CEP95: variants seen among roughly 807,000 people sequenced by gnomAD.
CEP95 encodes centrosomal protein 95.
CEP95 carries 98 observed loss-of-function variants against 111.2 expected under a neutral mutation model. The ratio of observed to expected loss-of-function variants is 0.88; its 90% CI spans 0.75 to 1.04. The LOEUF (loss-of-function observed/expected upper bound fraction) is 1.04, where lower values mean the gene tolerates loss of function less well. Among genes scored for constraint, CEP95 ranks in the 50% least tolerant of loss-of-function variants. The pLI is 0.00. For synonymous variants in CEP95, 323 were observed against 327.1 expected (o/e 0.99, Z 0.14); for missense variants, 1,027 against 977.2 (o/e 1.05, Z -0.68).
intron 2 of CEP95, among the ~76,000 whole-genome samples, 183 bp downstream of exon 2, chr17:64,508,903 G>A (rs1414031602): frequency 1.3e-5 from 2 of 150,248 alleles, no homozygotes; most frequent in Admixed American, 6.6e-5. Context: ...ATATTAAATT[G>A]TATTTAATAT....
At chr17:64,507,744 C>G (rs1598166022) in intron 1 of CEP95, 1 of 985,672 alleles carries the variant, frequency 1.0e-6, no homozygotes, top group African/African-American at 1.7e-5. Context: ...GGATTATGTG[C>G]ATGGAAAATA....
chr17:64,510,748 C>T (rs1257324885), intron 3 of CEP95, among the ~76,000 whole-genome samples: 9 of 152,048 alleles, frequency 5.9e-5, no homozygotes, highest in Non-Finnish European at 1.3e-4. Flanking sequence ...ACAAGAGTTT[C>T]GCCATTTGCC....
intron 17 of CEP95, chr17:64,535,920 G>A (rs1205036699): frequency 1.3e-5 from 2 of 152,232 alleles, no homozygotes; most frequent in Non-Finnish European, 2.9e-5. Context: ...CAGTATAGAT[G>A]AACCTTGAAA....
At chr17:64,532,087 A>T in intron 14 of CEP95, 65 bp downstream of exon 14, 1 of 1,467,638 alleles carries the variant, frequency 6.8e-7, no homozygotes, top group Non-Finnish European at 9.0e-7. Flanking sequence ...GCAACATTCC[A>T]AGGACACAGC....
At chr17:64,506,781 A>AC, upstream of CEP95, 1 of 528,656 alleles carries the variant, frequency 1.9e-6, no homozygotes. Context: ...GCACCCCGGG[A>AC]CCCGCCCGGG....
At chr17:64,536,891 T>G in intron 18 of CEP95, 143 bp downstream of exon 18, 3 of 1,204,578 alleles carry the variant, frequency 2.5e-6, no homozygotes, top group Non-Finnish European at 3.5e-6. Context: ...ATTTCAAGAT[T>G]GAAATTTAAG....
chr17:64,533,834 G>A (rs1968454519), intron 16 of CEP95, among the ~76,000 whole-genome samples: 1 of 152,076 alleles, frequency 6.6e-6, no homozygotes. Context: ...GACCCATCTA[G>A]GTGCCAAGCA....
chr17:64,524,076 G>C (rs2144461808), intron 8 of CEP95, among the ~76,000 whole-genome samples: 1 of 152,100 alleles, frequency 6.6e-6, no homozygotes. Flanking sequence ...AACAGGAGAG[G>C]GATTAGATAA....
intron 3 of CEP95, among the ~76,000 whole-genome samples, chr17:64,511,093 G>A (rs2038867689): frequency 6.6e-6 from 1 of 152,146 alleles, no homozygotes; most frequent in Non-Finnish European, 1.5e-5. Context: ...CAGACATCAA[G>A]TACTTCACAA....
At position 64,508,793 on chromosome 17, in the gene CEP95, C is replaced by A. The variant is rs1216028083; in HGVS notation, c.148+73C>A. 8.0e-6 allele frequency: 5 copies of A among 626,690 alleles called. No homozygotes were observed. In the African/African-American group the frequency reaches 9.6e-5, roughly 12 times the overall value. 38.8% of individuals were successfully genotyped at this position (626,690 alleles called of 1,614,324 possible). On this transcript the variant is annotated intron_variant, in intron 2 of 19. Coordinates refer to ENST00000556440, the MANE Select transcript of CEP95 (RefSeq NM_138363.3). ...AAGTTTTTAGTCCTTTAGTTAGATT[C>A]TTTGATATTTATAAAATTTCATTTT... is the stretch of plus-strand genomic sequence containing the variant.
Position 64,534,676 on chromosome 17 carries a change from A to G in CEP95, c.2009A>G (p.Tyr670Cys), listed in dbSNP as rs782744733. ...RQQIVRARKYYDDYRVQLCAK... is the reference protein window; with the variant it reads ...RQQIVRARKYCDDYRVQLCAK... ...CAAATCGTTCGTGCTCGAAAATATT[A>G]TGATGATTATAGAGTTCAGTTGTGT... Residue 670 changes from tyrosine to cysteine, a missense_variant, in exon 17 of 20, where the codon TAT becomes TGT. Coordinates refer to ENST00000556440, the MANE Select transcript of CEP95 (RefSeq NM_138363.3). The G allele has an allele frequency of 6.2e-7, 1 of 1,613,516 alleles. No individual in the cohort carries two copies. The highest frequency in any genetic ancestry group is 8.5e-7 in the Non-Finnish European group (1 of 1,179,630).
In CEP95 at chr17:64,533,296, A is replaced by T. The variant is rs1318631466; in HGVS notation, c.1917+105A>T. ...TTGCACAGACCCTTAACCTCTTAACACCTGCATGTGGAAGTGTTGCCTAGG... is the reference window on the plus strand; with the variant it reads ...TTGCACAGACCCTTAACCTCTTAACTCCTGCATGTGGAAGTGTTGCCTAGG... On this transcript the variant is annotated intron_variant, in intron 16 of 19. Coordinates refer to ENST00000556440, the MANE Select transcript of CEP95 (RefSeq NM_138363.3). 20 of 906,890 alleles carry T rather than the reference A, an allele frequency of 2.2e-5. No individual in the cohort carries two copies. The East Asian group carries it at 5.0e-4, about 23-fold the overall frequency. 56.2% of individuals were successfully genotyped at this position (906,890 alleles called of 1,614,324 possible).
At position 64,527,278 on chromosome 17, in the gene CEP95, A is replaced by G; in HGVS notation, c.1306+14A>G. Reference sequence around the variant, plus strand: ...AGTCAAGGCCAGGTACTTACCCCAGAGAGACTGAGAAGGGGGACATCCATG... The same window carrying G: ...AGTCAAGGCCAGGTACTTACCCCAGGGAGACTGAGAAGGGGGACATCCATG... On this transcript the variant is annotated intron_variant, in intron 11 of 19. Transcript: ENST00000556440. The G allele has an allele frequency of 6.3e-7, 1 of 1,589,762 alleles. No homozygotes were observed. Among genetic ancestry groups the G allele is most frequent in the Non-Finnish European group, 8.6e-7 (1 of 1,168,606 alleles).
intron 3 of CEP95, among the ~76,000 whole-genome samples, chr17:64,511,854 GA>G (rs1555675146): frequency 6.6e-6 from 1 of 152,206 alleles, no homozygotes; most frequent in Non-Finnish European, 1.5e-5. Context: ...AAATGTCCAT[GA>G]AATCTTCACA....
intron 15 of CEP95, 38 bp downstream of exon 15, chr17:64,533,046 G>A: frequency 6.2e-7 from 1 of 1,605,246 alleles, no homozygotes; most frequent in Non-Finnish European, 8.5e-7. Context: ...GAATTTAAAT[G>A]AGAAGAGCTT....
rs1555677833 is a variant in CEP95 at position 64,521,511 on chromosome 17, A to G, written c.699A>G (p.Thr233=). The G allele has an allele frequency of 1.9e-6, 3 of 1,611,608 alleles. No homozygotes were observed. The highest frequency in any genetic ancestry group is 1.7e-5 in the Admixed American group (1 of 59,586). The part of the protein sequence containing the change: ...YPPSVLSKSR[T]SFVEDTETLS... ...CTAGTGTTTTGTCCAAGAGTAGGAC[A>G]TCCTTTGTTGAAGACAGTGAGTTGT... Residue 233 remains threonine (T), a synonymous_variant, in exon 7 of 20, where the codon ACA becomes ACG. Coordinates refer to ENST00000556440, the MANE Select transcript of CEP95 (RefSeq NM_138363.3).
chr17:64,533,118 TAGA>T lies in CEP95; in HGVS notation c.1850_1852del (p.Glu617del), dbSNP rs1555680745. On this transcript the variant is annotated inframe_deletion and splice_region_variant, in exon 16 of 20. Transcript: ENST00000556440. ...CTTAACTTCATGTCCCCCTTCAAGATAGAAGAAGCCCTAAGAAGGCATGACCTC... is the reference window on the plus strand; with the variant it reads ...CTTAACTTCATGTCCCCCTTCAAGATAGAAGCCCTAAGAAGGCATGACCTC... 2 of 1,606,484 alleles carry T rather than the reference TAGA, an allele frequency of 1.2e-6. No homozygotes were observed. Among genetic ancestry groups the T allele is most frequent in the Admixed American group, 1.7e-5 (1 of 57,448 alleles).
chr17:64,511,700 T>C (rs970557452), intron 3 of CEP95, among the ~76,000 whole-genome samples: 3 of 152,190 alleles, frequency 2.0e-5, no homozygotes, highest in East Asian at 1.9e-4. Context: ...GATTAAGAGA[T>C]TAAAGTGAAG....
intron 13 of CEP95, 131 bp from the exon 14 acceptor site, chr17:64,531,759 T>C (rs906748282): frequency 1.7e-6 from 1 of 580,106 alleles, no homozygotes; most frequent in East Asian, 3.2e-5. Context: ...AGTAAGGTGG[T>C]TTGGCTTACT....
Sources: allele counts gnomAD v4.1 joint callset (sites outside exome capture counted in the v4.1 genomes callset), GRCh38; gene constraint gnomAD v4.1.1; transcripts MANE v1.5; gene names NCBI Gene and HGNC (gene_info 2026-07-23, HGNC 2026-07-21).